The following FAM13A variants were observed in gnomAD, a reference collection of about 807,000 sequenced individuals.
FAM13A encodes protein FAM13A.
In FAM13A, 76 loss-of-function variants were observed where a neutral mutation model predicts 129.6. The observed-to-expected ratio is 0.59, with a 90% CI of 0.49 to 0.71. FAM13A has a LOEUF of 0.71. Ranked by LOEUF, FAM13A falls within the 30% of genes least tolerant of loss-of-function variation. The pLI, the probability that FAM13A is intolerant of heterozygous loss-of-function variation, is 0.00. For synonymous variants in FAM13A, 443 were observed against 449.9 expected (o/e 0.98, Z 0.20); for missense variants, 1,108 against 1,249.3 (o/e 0.89, Z 1.70).
intron 3 of FAM13A, among the ~76,000 whole-genome samples, chr4:89,018,806 C>G (rs924239169): frequency 6.6e-6 from 1 of 152,174 alleles, no homozygotes; most frequent in South Asian, 2.1e-4. Context: ...GTCTAAAACT[C>G]GTCAAAGAGT....
intron 5 of FAM13A, among the ~76,000 whole-genome samples, chr4:88,910,422 C>A (rs1455858505): frequency 6.6e-6 from 1 of 152,096 alleles, no homozygotes; most frequent in Non-Finnish European, 1.5e-5. Context: ...CACTCACTGT[C>A]CCCTCAGCCT....
At chr4:88,831,472 G>A (rs1373143441) in intron 7 of FAM13A, among the ~76,000 whole-genome samples, 1 of 152,072 alleles carries the variant, frequency 6.6e-6, no homozygotes, top group Non-Finnish European at 1.5e-5. Flanking sequence ...AAATAAACTC[G>A]TCATATTCCT....
intron 4 of FAM13A, among the ~76,000 whole-genome samples, chr4:88,953,199 A>C (rs1757213010): frequency 6.6e-6 from 1 of 151,926 alleles, no homozygotes; most frequent in Admixed American, 6.6e-5. Context: ...CTCAGCCTGT[A>C]ATCCCAGCAC....
chr4:88,808,150 G>T (rs1190097249), intron 7 of FAM13A, among the ~76,000 whole-genome samples: 1 of 151,988 alleles, frequency 6.6e-6, no homozygotes. Context: ...ACCCTTTTCT[G>T]GGATTTAGTA....
chr4:88,792,890 A>T (rs1725452117), intron 8 of FAM13A, among the ~76,000 whole-genome samples: 1 of 152,048 alleles, frequency 6.6e-6, no homozygotes, highest in Admixed American at 6.6e-5. Context: ...GTGAAGAAAG[A>T]AAGGCAAGAA....
intron 7 of FAM13A, among the ~76,000 whole-genome samples, chr4:88,810,192 A>C: frequency 6.6e-6 from 1 of 152,166 alleles, no homozygotes; most frequent in Non-Finnish European, 1.5e-5. Flanking sequence ...ACAAATAGAC[A>C]AAAAGACTTC....
chr4:88,729,868 A>G (rs139380016), intron 23 of FAM13A: 1 of 152,348 alleles, frequency 6.6e-6, no homozygotes, highest in East Asian at 1.9e-4. Context: ...AAAGACTGGA[A>G]AGATACACGT....
chr4:88,922,595 A>T (rs1235884064), intron 5 of FAM13A, among the ~76,000 whole-genome samples: 1 of 152,214 alleles, frequency 6.6e-6, no homozygotes, highest in Non-Finnish European at 1.5e-5. Context: ...CATAAGAGAA[A>T]GCAGGAAAGA....
chr4:88,850,979 T>C, intron 7 of FAM13A, 41 bp downstream of exon 7: 1 of 1,594,010 alleles, frequency 6.3e-7, no homozygotes, highest in Non-Finnish European at 8.6e-7. Context: ...TAAGAGCGAA[T>C]AATGCAATAT....
At chr4:88,746,226 T>C (rs1578462939) in intron 19 of FAM13A, among the ~76,000 whole-genome samples, 2 of 152,322 alleles carry the variant, frequency 1.3e-5, no homozygotes, top group East Asian at 1.9e-4. Context: ...GACAACATTA[T>C]GAACAAAAGG....
At chr4:88,920,383 C>T (rs1413414139) in intron 5 of FAM13A, among the ~76,000 whole-genome samples, 9 of 152,272 alleles carry the variant, frequency 5.9e-5, no homozygotes, top group Middle Eastern at 3.4e-3. Flanking sequence ...CAGCAGCATT[C>T]GCGGTTCACG....
chr4:88,925,074 T>C (rs1371933879), intron 5 of FAM13A, among the ~76,000 whole-genome samples: 6 of 149,984 alleles, frequency 4.0e-5, no homozygotes, highest in Non-Finnish European at 8.9e-5. Context: ...GGAGAGGATG[T>C]GGAGAAATAG....
At chr4:88,944,745 T>C (rs1308303783) in intron 4 of FAM13A, among the ~76,000 whole-genome samples, 1 of 151,670 alleles carries the variant, frequency 6.6e-6, no homozygotes, top group Non-Finnish European at 1.5e-5. Context: ...CTACTAAAAA[T>C]ACAAAAAATT....
At chr4:88,837,718 C>CAAAAA (rs34184242) in intron 7 of FAM13A, among the ~76,000 whole-genome samples, 5 of 71,540 alleles carry the variant, frequency 7.0e-5, no homozygotes, top group Non-Finnish European at 1.4e-4. Flanking sequence ...AACTCCGTCT[C>CAAAAA]AAAAAAAAAA....
chr4:88,728,683 G>T, intron 23 of FAM13A, 24 bp from the exon 24 acceptor site: 1 of 1,613,062 alleles, frequency 6.2e-7, no homozygotes, highest in Non-Finnish European at 8.5e-7. Flanking sequence ...AGGAAAAAGG[G>T]GTCTGAGGAT....
chr4:89,011,001 C>T (rs1765657590), intron 3 of FAM13A, among the ~76,000 whole-genome samples: 1 of 152,108 alleles, frequency 6.6e-6, no homozygotes, highest in South Asian at 2.1e-4. Context: ...GCACCTGCCA[C>T]CACGCCTGGC....
chr4:88,770,075 T>C (rs1720333168), intron 11 of FAM13A, among the ~76,000 whole-genome samples: 1 of 152,192 alleles, frequency 6.6e-6, no homozygotes, highest in Admixed American at 6.5e-5. Context: ...ATACAGTGTT[T>C]GTGTCTGCCA....
At chr4:88,851,211 G>A in intron 6 of FAM13A, 28 bp from the exon 7 acceptor site, 3 of 1,520,440 alleles carry the variant, frequency 2.0e-6, no homozygotes, top group Non-Finnish European at 1.8e-6. Context: ...GAGGGGTGGG[G>A]GAGAGCTAGA....
In FAM13A at chr4:88,790,683, A is replaced by G. The variant is rs1724953460; in HGVS notation, c.1050-56T>C. ...TTAGATGAAAGATCAGAGATGATGA[A>G]CCAAACATGTGAAGTGGATCGCAGG... On this transcript the variant is annotated intron_variant, in intron 8 of 23. Transcript: ENST00000264344. 6.7e-6 allele frequency: 10 copies of G among 1,495,428 alleles called. No homozygotes were observed. The South Asian group carries it at 9.3e-5, about 14-fold the overall frequency. The allele number at this position is 1,495,428 out of a possible 1,614,324, so 92.6% of individuals were successfully genotyped here.
Sources: allele counts gnomAD v4.1 joint callset (sites outside exome capture counted in the v4.1 genomes callset), GRCh38; gene constraint gnomAD v4.1.1; transcripts MANE v1.5; gene names NCBI Gene and HGNC (gene_info 2026-07-23, HGNC 2026-07-21).